Variants in RBFOX3 observed in about 807,000 individuals in gnomAD.
RBFOX3 encodes the protein RNA binding protein fox-1 homolog 3.
In RBFOX3, 17 loss-of-function variants were observed where a neutral mutation model predicts 48.7. The ratio of observed to expected loss-of-function variants is 0.35; its 90% CI spans 0.24 to 0.52. RBFOX3 has a LOEUF of 0.52. RBFOX3 is among the 20% of genes least tolerant of loss of function. The pLI is 0.94. For missense variants in RBFOX3, 382 were observed against 497.5 expected (o/e 0.77, Z 2.21); for synonymous variants, 212 against 209.5 (o/e 1.01, Z -0.10).
chr17:79,287,902 C>T (rs917436855), intron 3 of RBFOX3, among the ~76,000 whole-genome samples: 1 of 152,146 alleles, frequency 6.6e-6, no homozygotes, highest in African/African-American at 2.4e-5. Context: ...TGTCACATTG[C>T]GGCACGTCGC....
At position 79,581,104 on chromosome 17, in the gene RBFOX3, C is replaced by T. The variant is rs915303717; in HGVS notation, c.-320+29722G>A. The stretch of plus-strand genomic sequence containing the variant: ...CTACTAAAAATACAAAAAAATTAGC[C>T]GGGCATGGTGGCGGGCGCCTGTAGT... On this transcript the variant is annotated intron_variant, in intron 1 of 14. Coordinates refer to ENST00000693108, the MANE Select transcript of RBFOX3 (RefSeq NM_001350451.2). Among the ~76,000 whole-genome samples the T allele has an allele frequency of 6.6e-3, 1,004 of 152,120 alleles. 4 individuals are homozygous for T. Among genetic ancestry groups the T allele is most frequent in the African/African-American group, 0.023 (964 of 41,476 alleles).
At chr17:79,340,994 T>C (rs1243759615) in intron 2 of RBFOX3, among the ~76,000 whole-genome samples, 4 of 152,242 alleles carry the variant, frequency 2.6e-5, no homozygotes, top group African/African-American at 4.8e-5. Context: ...AGTCAAGCTC[T>C]GGACTCAAAC....
At chr17:79,377,626 C>T (rs764540753) in intron 2 of RBFOX3, among the ~76,000 whole-genome samples, 1 of 152,212 alleles carries the variant, frequency 6.6e-6, no homozygotes, top group Non-Finnish European at 1.5e-5. Context: ...AGCAGGGAGC[C>T]AGAACGGCAT....
At chr17:79,300,576 A>C (rs1457002671) in intron 3 of RBFOX3, among the ~76,000 whole-genome samples, 2 of 152,262 alleles carry the variant, frequency 1.3e-5, no homozygotes, top group Non-Finnish European at 2.9e-5. Context: ...AAGATCTACC[A>C]GTCAGTCAGT....
intron 2 of RBFOX3, among the ~76,000 whole-genome samples, chr17:79,476,845 A>G (rs974974300): frequency 2.0e-5 from 3 of 151,558 alleles, no homozygotes; most frequent in African/African-American, 7.3e-5. Flanking sequence ...AGAGACAGAG[A>G]AGGAGGAAGA....
chr17:79,454,898 G>T lies in RBFOX3; in HGVS notation c.-175+27556C>A, dbSNP rs140506253. On this transcript the variant is annotated intron_variant, in intron 2 of 14. Coordinates refer to ENST00000693108, the MANE Select transcript of RBFOX3 (RefSeq NM_001350451.2). Reference sequence around the variant, plus strand: ...AGTATTCAAGGCCTGGGGTTTGGGGGCCCTGCACCCAGAGGCAGGAGATAC... The same window carrying T: ...AGTATTCAAGGCCTGGGGTTTGGGGTCCCTGCACCCAGAGGCAGGAGATAC... 3.2e-3 allele frequency among the ~76,000 whole-genome samples: 490 copies of T among 152,314 alleles called. 3 individuals are homozygous for T. Among genetic ancestry groups the T allele is most frequent in the African/African-American group, 0.01 (428 of 41,572 alleles).
rs983030978 is a variant in RBFOX3, at chr17:79,205,300, G to A, written c.-34+30466C>T. On this transcript the variant is annotated intron_variant, in intron 4 of 14. Transcript: ENST00000693108. This position sits in a 1 kb window ranked among gnomAD's most constrained non-coding sequence, Gnocchi z 4.5. ...ACCATCATTTCTGCCAGTTAGAGTG[G>A]GGGTCCACAGAAACCCAGGGATATA... 6.6e-6 allele frequency among the ~76,000 whole-genome samples: 1 copy of A among 152,076 alleles called. No homozygotes were observed. Among genetic ancestry groups the A allele is most frequent in the Non-Finnish European group, 1.5e-5 (1 of 68,010 alleles).
chr17:79,510,897 C>T (rs1012565897), intron 1 of RBFOX3, among the ~76,000 whole-genome samples: 1 of 152,066 alleles, frequency 6.6e-6, no homozygotes, highest in Non-Finnish European at 1.5e-5. Flanking sequence ...AAGTGTACCC[C>T]CAAGCAGCAG....
chr17:79,358,223 G>C (rs372110109), intron 2 of RBFOX3, among the ~76,000 whole-genome samples: 22 of 152,238 alleles, frequency 1.4e-4, no homozygotes, highest in South Asian at 8.3e-4. Context: ...TGGGATTACA[G>C]GTGTGACCAG....
At chr17:79,097,869 C>G (rs1000888973) in intron 9 of RBFOX3, 124 bp from the exon 10 acceptor site, 3 of 1,003,342 alleles carry the variant, frequency 3.0e-6, no homozygotes, top group Middle Eastern at 2.1e-4. Context: ...CGCCTCCCCG[C>G]GCCGGGCCCC....
At chr17:79,502,977 A>C (rs1196551293) in intron 1 of RBFOX3, among the ~76,000 whole-genome samples, 4 of 152,174 alleles carry the variant, frequency 2.6e-5, no homozygotes, top group Non-Finnish European at 5.9e-5. Flanking sequence ...CTTAAACAAG[A>C]GACAGGTATT....
intron 3 of RBFOX3, among the ~76,000 whole-genome samples, chr17:79,256,436 A>G (rs2064862939): frequency 6.6e-6 from 1 of 152,256 alleles, no homozygotes; most frequent in Non-Finnish European, 1.5e-5. Context: ...CACTAAAAGC[A>G]TGAGTGTCCC....
chr17:79,222,812 C>G (rs2059889760), intron 4 of RBFOX3, among the ~76,000 whole-genome samples: 1 of 152,168 alleles, frequency 6.6e-6, no homozygotes, highest in Non-Finnish European at 1.5e-5. Context: ...CAAATGCTGG[C>G]TGTGGGGCTG....
intron 2 of RBFOX3, among the ~76,000 whole-genome samples, chr17:79,456,173 G>A (rs942745736): frequency 5.3e-5 from 8 of 152,138 alleles, no homozygotes; most frequent in African/African-American, 1.7e-4. Context: ...ATGTGCTCCC[G>A]AGCCTGTTCC....
intron 4 of RBFOX3, among the ~76,000 whole-genome samples, chr17:79,190,816 T>C (rs1305971367): frequency 6.6e-6 from 1 of 152,196 alleles, no homozygotes; most frequent in Non-Finnish European, 1.5e-5. Flanking sequence ...CCAAAACTTG[T>C]AGAGCAAAGC....
At chr17:79,274,740 C>T (rs1050784794) in intron 3 of RBFOX3, among the ~76,000 whole-genome samples, 1 of 152,074 alleles carries the variant, frequency 6.6e-6, no homozygotes, top group Admixed American at 6.5e-5. Context: ...CTTTTCCACC[C>T]CAGGAAATGT....
intron 1 of RBFOX3, among the ~76,000 whole-genome samples, chr17:79,545,787 C>A (rs1555791706): frequency 6.6e-6 from 1 of 152,192 alleles, no homozygotes; most frequent in Non-Finnish European, 1.5e-5. Context: ...GTTCTCACAG[C>A]CACCAGGACG....
Position 79,095,531 on chromosome 17 carries a change from G to A in RBFOX3, c.980C>T (p.Ala327Val), listed in dbSNP as rs1157854732. Residue 327 changes from alanine to valine, a missense_variant, in exon 13 of 15, where the codon GCG becomes GTG. Physicochemically the swap from Ala to Val is moderately conservative, Grantham distance 64. Transcript: ENST00000693108. ...GCCTCACCTGTCGCTGTAGGCTGCC[G>A]CCGCTGCAGCGGGCTGAGCGTATCT... ...AYRYAQPAAA[A>V]AAYSDSYGRV... 23 of 1,551,140 alleles carry A rather than the reference G, an allele frequency of 1.5e-5. No homozygotes were observed. The highest frequency in any genetic ancestry group is 4.8e-5 in the South Asian group (4 of 83,994).
intron 2 of RBFOX3, among the ~76,000 whole-genome samples, chr17:79,456,487 GC>G (rs2074517912): frequency 6.6e-6 from 1 of 151,686 alleles, no homozygotes; most frequent in Non-Finnish European, 1.5e-5. Flanking sequence ...GAGAGAACCC[GC>G]CCCAGACCAA....
Sources: allele counts gnomAD v4.1 joint callset (sites outside exome capture counted in the v4.1 genomes callset), GRCh38; gene constraint gnomAD v4.1.1; non-coding constraint Gnocchi (gnomAD v3.1); transcripts MANE v1.5; gene names NCBI Gene and HGNC (gene_info 2026-07-23, HGNC 2026-07-21).